The following DLK2 variants were observed in gnomAD, a reference collection of about 807,000 sequenced individuals.
DLK2 encodes delta like non-canonical Notch ligand 2, also known as protein delta homolog 2.
A neutral mutation model predicts 31.3 loss-of-function variants in DLK2; 9 were observed. The observed-to-expected ratio is 0.29, with a 90% confidence interval of 0.17 to 0.50. The LOEUF is 0.50. Among genes scored for constraint, DLK2 ranks in the 20% least tolerant of loss-of-function variants. The probability of loss-of-function intolerance (pLI) is 0.98; values close to 1 mark genes in which losing one functional copy is unlikely to be tolerated. For synonymous variants in DLK2, 169 were observed against 201.2 expected (o/e 0.84, Z 1.35); for missense variants, 387 against 526.1 (o/e 0.74, Z 2.59).
rs1581807071 is a variant in DLK2, at chr6:43,450,498, T to G, written c.*41A>C. 6.6e-7 allele frequency: 1 copy of G among 1,519,802 alleles called. No individual in the cohort carries two copies. Among genetic ancestry groups the G allele is most frequent in the Admixed American group, 2.2e-5 (1 of 46,126 alleles). The allele number at this position is 1,519,802 out of a possible 1,614,324, so 94.1% of individuals were successfully genotyped here. ...GAACGGACCACTCCAGTCTGAGGGG[T>G]GGAAGAGGTGAGGAAGGGGGCCAGA... On this transcript the variant is annotated 3_prime_UTR_variant, in exon 6 of 6. Coordinates refer to ENST00000372488, the MANE Select transcript of DLK2 (RefSeq NM_023932.4). The surrounding 1 kb of genome is among the most constrained non-coding windows in gnomAD (Gnocchi z 4.5).
chr6:43,454,889 C>T lies in DLK2; in HGVS notation c.-55-9G>A. 6.5e-7 allele frequency: 1 copy of T among 1,527,564 alleles called. No homozygotes were observed. Among genetic ancestry groups the T allele is most frequent in the Non-Finnish European group, 8.8e-7 (1 of 1,142,100 alleles). 94.6% of individuals were successfully genotyped at this position (1,527,564 alleles called of 1,614,324 possible). On this transcript the variant is annotated splice_polypyrimidine_tract_variant and intron_variant, in intron 1 of 5. Coordinates refer to ENST00000372488, the MANE Select transcript of DLK2 (RefSeq NM_023932.4). ...GCCGGACGCGTGGACACCTGTGGGA[C>T]GGCACCGGTTGGGAGGCGGCCGGAC...
At position 43,450,609 on chromosome 6, in the gene DLK2, C is replaced by G; in HGVS notation, c.1082G>C (p.Ser361Thr). The G allele has an allele frequency of 6.2e-7, 1 of 1,606,462 alleles. No homozygotes were observed. The highest frequency in any genetic ancestry group is 1.1e-5 in the South Asian group (1 of 90,154). ...CAGGGGGAGCCCTGCTGGCAGCATG[C>G]TAACCTGACACTCCTGGTCCTGGCA... ...PACQDQECQV[S>T]MLPAGLPLPR... The change falls in exon 6 of 6, where the codon AGC becomes ACC. Residue 361 changes from serine to threonine, a missense_variant. Coordinates refer to ENST00000372488, the MANE Select transcript of DLK2 (RefSeq NM_023932.4). The surrounding 1 kb of genome is among the most constrained non-coding windows in gnomAD (Gnocchi z 4.5).
upstream of DLK2, chr6:43,456,027 GCTT>G (rs1783972483): frequency 6.5e-6 from 1 of 152,714 alleles, no homozygotes; most frequent in Non-Finnish European, 1.5e-5. Flanking sequence ...CTCGCCCTCC[GCTT>G]CTTCCTGTCC....
In DLK2 at chr6:43,450,661, A is replaced by T; in HGVS notation, c.1030T>A (p.Tyr344Asn). ...GCTGGAGCATAGTGTGGGGCAGGGT[A>T]GCAACAGGGTCCAGGGGGGCAGACA... is the stretch of plus-strand genomic sequence containing the variant. ...RGVCPPGPCC[Y>N]PAPHYAPACQ... Residue 344 changes from tyrosine to asparagine, a missense_variant, in exon 6 of 6, where the codon TAC becomes AAC. Tyr to Asn is a moderately radical substitution (Grantham distance 143). Coordinates refer to ENST00000372488, the MANE Select transcript of DLK2 (RefSeq NM_023932.4). This position sits in a 1 kb window ranked among gnomAD's most constrained non-coding sequence, Gnocchi z 4.5. 2 of 1,613,896 alleles carry T rather than the reference A, an allele frequency of 1.2e-6. No individual in the cohort carries two copies. The highest frequency in any genetic ancestry group is 1.7e-6 in the Non-Finnish European group (2 of 1,179,918).
intron 1 of DLK2, 189 bp downstream of exon 1, chr6:43,455,206 G>T (rs1348356968): frequency 5.4e-6 from 3 of 551,090 alleles, no homozygotes; most frequent in Non-Finnish European, 6.9e-6. Flanking sequence ...CCTCGAGCAC[G>T]GAGGGGACGC....
At chr6:43,452,846 A>G (rs1783824958) in intron 4 of DLK2, among the ~76,000 whole-genome samples, 159 bp downstream of exon 4, 1 of 152,366 alleles carries the variant, frequency 6.6e-6, no homozygotes, top group African/African-American at 2.4e-5. Flanking sequence ...TTGAGGATCA[A>G]TTCAGACAAC....
At position 43,451,882 on chromosome 6, in the gene DLK2, C is replaced by T; in HGVS notation, c.416+58G>A. The T allele has an allele frequency of 6.2e-7, 1 of 1,601,092 alleles. No individual in the cohort carries two copies. On this transcript the variant is annotated intron_variant, in intron 5 of 5. Transcript: ENST00000372488. This position sits in a 1 kb window ranked among gnomAD's most constrained non-coding sequence, Gnocchi z 4.4. The stretch of plus-strand genomic sequence containing the variant: ...CTCCCAACAGTCCTGCCTCTTTTCT[C>T]ATCCCATCACCAGGTTCTGGTCTAA...
chr6:43,450,472 A>G lies in DLK2; in HGVS notation c.*67T>C. On this transcript the variant is annotated 3_prime_UTR_variant, in exon 6 of 6. Transcript: ENST00000372488. This position sits in a 1 kb window ranked among gnomAD's most constrained non-coding sequence, Gnocchi z 4.5. ...TGTGTACCCAAGCTGAAGGGTGGTG[A>G]GAACGGACCACTCCAGTCTGAGGGG... The G allele has an allele frequency of 1.3e-6, 2 of 1,495,184 alleles. No individual in the cohort carries two copies. The highest frequency in any genetic ancestry group is 2.2e-4 in the Middle Eastern group (1 of 4,628). 92.6% of individuals were successfully genotyped at this position (1,495,184 alleles called of 1,614,324 possible). A position where few individuals can be genotyped will look rare whatever the true frequency, so the allele number is the denominator to read the frequency against.
chr6:43,451,313 C>A lies in DLK2; in HGVS notation c.417-39G>T. 6.3e-7 allele frequency: 1 copy of A among 1,594,932 alleles called. No homozygotes were observed. ...GAGAGAGGACATGATAACCAACTTA[C>A]CAACACCTGTAGGGCAGCCCAGGTC... On this transcript the variant is annotated intron_variant, in intron 5 of 5. Coordinates refer to ENST00000372488, the MANE Select transcript of DLK2 (RefSeq NM_023932.4). This position sits in a 1 kb window ranked among gnomAD's most constrained non-coding sequence, Gnocchi z 4.4.
chr6:43,453,036 G>A lies in DLK2; in HGVS notation c.240C>T (p.His80=), dbSNP rs751791013. The A allele has an allele frequency of 6.2e-7, 1 of 1,614,146 alleles. No homozygotes were observed. The change falls in exon 4 of 6, where the codon CAC becomes CAT. Residue 80 remains histidine, a synonymous_variant. Coordinates refer to ENST00000372488, the MANE Select transcript of DLK2 (RefSeq NM_023932.4). The surrounding 1 kb of genome is among the most constrained non-coding windows in gnomAD (Gnocchi z 4.1). ...CACAGAACTTGCCTGCCCAGCCACT[G>A]TGGCAGATGCACTGCCATGGCTGGT... ...TCHQPWQCIC[H]SGWAGKFCDK...
At position 43,450,887 on chromosome 6, in the gene DLK2, T is replaced by A; in HGVS notation, c.804A>T (p.Ser268=). ...TTVDTPLGPT[S]AVVVPATGPA... ...GCCCCGTGGCAGGTACCACTACAGC[T>A]GAGGTGGGCCCTAGAGGGGTGTCCA... Residue 268 remains serine, a synonymous_variant, in exon 6 of 6, where the codon TCA becomes TCT. Coordinates refer to ENST00000372488, the MANE Select transcript of DLK2 (RefSeq NM_023932.4). The surrounding 1 kb of genome is among the most constrained non-coding windows in gnomAD (Gnocchi z 4.5). 1 of 1,614,156 alleles carries A rather than the reference T, an allele frequency of 6.2e-7. No homozygotes were observed. Among genetic ancestry groups the A allele is most frequent in the Non-Finnish European group, 8.5e-7 (1 of 1,180,000 alleles).
intron 2 of DLK2, 62 bp downstream of exon 2, chr6:43,454,688 G>C (rs2127424492): frequency 6.5e-7 from 1 of 1,526,834 alleles, no homozygotes; most frequent in Non-Finnish European, 8.8e-7. Context: ...GCCGGCAGAG[G>C]TCAACGTGCA....
intron 4 of DLK2, among the ~76,000 whole-genome samples, chr6:43,452,434 A>G (rs901288654): frequency 1.3e-5 from 2 of 152,122 alleles, no homozygotes; most frequent in Non-Finnish European, 2.9e-5. Flanking sequence ...TACAAACATT[A>G]GGCCGGTACA....
Position 43,453,122 on chromosome 6 carries a change from A to G in DLK2, c.154T>C (p.Trp52Arg). 1 of 1,604,190 alleles carries G rather than the reference A, an allele frequency of 6.2e-7. No homozygotes were observed. The highest frequency in any genetic ancestry group is 8.5e-7 in the Non-Finnish European group (1 of 1,172,536). Residue 52 changes from tryptophan to arginine, a missense_variant, in exon 4 of 6, where the codon TGG becomes CGG. Coordinates refer to ENST00000372488, the MANE Select transcript of DLK2 (RefSeq NM_023932.4). This position sits in a 1 kb window ranked among gnomAD's most constrained non-coding sequence, Gnocchi z 4.1. ...CAGCGCTCACAGTGCAGCCCCTCCC[A>G]GCCCGGGTCACACCTGACGGGGAGA... ...PDGSCRCDPG[W>R]EGLHCERCVR...
At chr6:43,452,323 G>T (rs1270519093) in intron 4 of DLK2, among the ~76,000 whole-genome samples, 1 of 152,230 alleles carries the variant, frequency 6.6e-6, no homozygotes, top group East Asian at 1.9e-4. Flanking sequence ...GCTCATGCCT[G>T]TAATCCCAGC....
chr6:43,454,369 T>C, intron 3 of DLK2, 42 bp downstream of exon 3: 1 of 1,576,558 alleles, frequency 6.3e-7, no homozygotes. Flanking sequence ...GGCTTAGAAA[T>C]GGGTACCAAA....
chr6:43,450,425 T>C lies in DLK2; in HGVS notation c.*114A>G. 1 of 1,195,784 alleles carries C rather than the reference T, an allele frequency of 8.4e-7. No homozygotes were observed. The highest frequency in any genetic ancestry group is 1.5e-5 in the African/African-American group (1 of 65,488). 74.1% of individuals were successfully genotyped at this position (1,195,784 alleles called of 1,614,324 possible). A position where few individuals can be genotyped will look rare whatever the true frequency, so the allele number is the denominator to read the frequency against. The stretch of plus-strand genomic sequence containing the variant: ...TATTAAAAAAATAATATTTCTGGTG[T>C]GAGGCTGAGGTCTCCTCTGTGTGTG... On this transcript the variant is annotated 3_prime_UTR_variant, in exon 6 of 6. Transcript: ENST00000372488. The surrounding 1 kb of genome is among the most constrained non-coding windows in gnomAD (Gnocchi z 4.5).
chr6:43,453,000 C>G lies in DLK2; in HGVS notation c.271+5G>C, dbSNP rs761501506. ...CAACCAAAAGCTACCCTTCCTCCCC[C>G]CTACCTTTGTCACAGAACTTGCCTG... On this transcript the variant is annotated splice_donor_5th_base_variant and intron_variant, in intron 4 of 5. Transcript: ENST00000372488. 23 of 1,613,936 alleles carry G rather than the reference C, an allele frequency of 1.4e-5. No individual in the cohort carries two copies. Among genetic ancestry groups the G allele is most frequent in the African/African-American group, 1.3e-5 (1 of 74,942 alleles).
chr6:43,451,820 A>C lies in DLK2; in HGVS notation c.416+120T>G. The C allele has an allele frequency of 6.9e-7, 1 of 1,455,548 alleles. No homozygotes were observed. Among genetic ancestry groups the C allele is most frequent in the Non-Finnish European group, 9.0e-7 (1 of 1,106,180 alleles). 90.2% of individuals were successfully genotyped at this position (1,455,548 alleles called of 1,614,324 possible). On this transcript the variant is annotated intron_variant, in intron 5 of 5. Transcript: ENST00000372488. This position sits in a 1 kb window ranked among gnomAD's most constrained non-coding sequence, Gnocchi z 4.4. ...CTTTGGCATGCAGGGGTTTTATCTGAGTGTCCCCGTGTGGGTCTGACTCTC... is the reference window on the plus strand; with the variant it reads ...CTTTGGCATGCAGGGGTTTTATCTGCGTGTCCCCGTGTGGGTCTGACTCTC...
Sources: allele counts gnomAD v4.1 joint callset (sites outside exome capture counted in the v4.1 genomes callset), GRCh38; gene constraint gnomAD v4.1.1; non-coding constraint Gnocchi (gnomAD v3.1); transcripts MANE v1.5; gene names NCBI Gene and HGNC (gene_info 2026-07-23, HGNC 2026-07-21).